The following VPS13B variants were observed in gnomAD, a reference collection of about 807,000 sequenced individuals.
The protein encoded by VPS13B is vacuolar protein sorting 13 homolog B.
A neutral mutation model predicts 426.4 loss-of-function variants in VPS13B; 285 were observed. The ratio of observed to expected loss-of-function variants is 0.67; its 90% CI spans 0.61 to 0.74. The LOEUF is 0.74. Ranked by LOEUF, VPS13B falls within the 30% of genes least tolerant of loss-of-function variation. The pLI is 0.00. For missense variants in VPS13B, 4,537 were observed against 4,782.6 expected (o/e 0.95, Z 1.51); for synonymous variants, 1,676 against 1,676.4 (o/e 1.00, Z 0.01).
chr8:99,509,453 T>C (rs962506671), intron 28 of VPS13B, among the ~76,000 whole-genome samples: 2 of 152,136 alleles, frequency 1.3e-5, no homozygotes, highest in Non-Finnish European at 1.5e-5. Flanking sequence ...ATTTATTTTC[T>C]TATCTTCCTT....
In VPS13B at chr8:99,168,716, T is replaced by C. The variant is rs182136281; in HGVS notation, c.2209-1323T>C. 1.7e-3 allele frequency among the ~76,000 whole-genome samples: 263 copies of C among 152,178 alleles called. 2 individuals carry two copies. Among genetic ancestry groups the C allele is most frequent in the African/African-American group, 6.1e-3 (253 of 41,564 alleles). ...TTTAAGTTATGATTTTAAGTAATCA[T>C]TTCAGTATTAGAAAGATATCTTTTT... is the stretch of plus-strand genomic sequence containing the variant. On this transcript the variant is annotated intron_variant, in intron 15 of 61. Coordinates refer to ENST00000357162, the MANE Select transcript of VPS13B (RefSeq NM_152564.5).
intron 29 of VPS13B, among the ~76,000 whole-genome samples, chr8:99,516,817 A>T (rs961127077): frequency 6.7e-6 from 1 of 150,274 alleles, no homozygotes; most frequent in Non-Finnish European, 1.5e-5. Context: ...AAAAAAAAAA[A>T]AGTATATGTA....
At chr8:99,658,457 C>T (rs1830100077) in intron 34 of VPS13B, among the ~76,000 whole-genome samples, 1 of 152,080 alleles carries the variant, frequency 6.6e-6, no homozygotes, top group Non-Finnish European at 1.5e-5. Context: ...CCCCTGTTAA[C>T]AATATAAAAT....
intron 17 of VPS13B, among the ~76,000 whole-genome samples, chr8:99,201,029 C>T (rs1814286878): frequency 6.6e-6 from 1 of 151,818 alleles, no homozygotes; most frequent in Non-Finnish European, 1.5e-5. Flanking sequence ...CAGAATCCTT[C>T]TTGGTCTTAT....
chr8:99,025,340 A>G (rs766353284), intron 2 of VPS13B, among the ~76,000 whole-genome samples: 2 of 152,188 alleles, frequency 1.3e-5, no homozygotes, highest in African/African-American at 4.8e-5. Context: ...AAGGGTGGTG[A>G]AAATGGGCAT....
chr8:99,865,434 C>G (rs1344606248), intron 58 of VPS13B, among the ~76,000 whole-genome samples: 1 of 152,248 alleles, frequency 6.6e-6, no homozygotes, highest in Non-Finnish European at 1.5e-5. Context: ...ACCACCTCCT[C>G]TCTCTTCATG....
intron 19 of VPS13B, among the ~76,000 whole-genome samples, chr8:99,345,557 G>A (rs1811491900): frequency 6.6e-6 from 1 of 151,862 alleles, no homozygotes. Context: ...ACCATTGTTT[G>A]TAAGCCATAT....
At chr8:99,400,766 G>A (rs1166244444) in intron 21 of VPS13B, among the ~76,000 whole-genome samples, 1 of 152,148 alleles carries the variant, frequency 6.6e-6, no homozygotes, top group African/African-American at 2.4e-5. Flanking sequence ...CACATCCCGA[G>A]TTCAAGCAAT....
intron 23 of VPS13B, among the ~76,000 whole-genome samples, chr8:99,445,952 C>T (rs1817896422): frequency 6.6e-6 from 1 of 152,198 alleles, no homozygotes; most frequent in Non-Finnish European, 1.5e-5. Context: ...TCTGTTTTCA[C>T]TACCCAACCA....
intron 19 of VPS13B, among the ~76,000 whole-genome samples, chr8:99,307,183 T>G (rs1820685933): frequency 1.3e-5 from 2 of 152,142 alleles, no homozygotes; most frequent in African/African-American, 4.8e-5. Flanking sequence ...GGGTTCTATA[T>G]ATGTATTCTA....
intron 34 of VPS13B, among the ~76,000 whole-genome samples, chr8:99,661,153 G>A (rs1468230440): frequency 6.6e-6 from 1 of 151,990 alleles, no homozygotes; most frequent in African/African-American, 2.4e-5. Flanking sequence ...ACATGGTTTT[G>A]TCATCCCACA....
chr8:99,687,492 C>T (rs1017568915), intron 35 of VPS13B, among the ~76,000 whole-genome samples: 1 of 151,968 alleles, frequency 6.6e-6, no homozygotes, highest in East Asian at 1.9e-4. Context: ...AGTGGCAAGG[C>T]TTGCCAGAAC....
At chr8:99,190,882 C>T (rs1241538051) in intron 16 of VPS13B, among the ~76,000 whole-genome samples, 2 of 151,940 alleles carry the variant, frequency 1.3e-5, no homozygotes, top group African/African-American at 2.4e-5. Flanking sequence ...CCATTCTCTT[C>T]ACATTTCTTT....
At chr8:99,595,813 A>G (rs1174473880) in intron 33 of VPS13B, among the ~76,000 whole-genome samples, 8 of 152,100 alleles carry the variant, frequency 5.3e-5, no homozygotes, top group African/African-American at 1.9e-4. Context: ...ACTCAGGAAT[A>G]AAAATGCAAA....
At chr8:99,768,978 C>T (rs1200859203) in intron 40 of VPS13B, among the ~76,000 whole-genome samples, 1 of 152,124 alleles carries the variant, frequency 6.6e-6, no homozygotes, top group Non-Finnish European at 1.5e-5. Context: ...AATACATTTT[C>T]ACCATCGAAA....
chr8:99,648,469 TAG>T (rs1400361141), intron 34 of VPS13B, among the ~76,000 whole-genome samples: 5 of 152,252 alleles, frequency 3.3e-5, no homozygotes, highest in African/African-American at 1.2e-4. Flanking sequence ...TATTCAGCTT[TAG>T]CTGTGATTCA....
intron 42 of VPS13B, among the ~76,000 whole-genome samples, chr8:99,779,520 TCTGA>T (rs1811907959): frequency 4.6e-5 from 7 of 152,342 alleles, no homozygotes; most frequent in Admixed American, 4.6e-4. Context: ...CTCTACTCTT[TCTGA>T]CTTTTTGATT....
chr8:99,515,157 G>T (rs935037800), intron 29 of VPS13B, among the ~76,000 whole-genome samples: 62 of 152,172 alleles, frequency 4.1e-4, no homozygotes, highest in African/African-American at 1.2e-3. Flanking sequence ...TAAGAAAGAA[G>T]AGGAAAAAAA....
At chr8:99,717,467 G>T (rs1287026130) in intron 37 of VPS13B, 94 bp downstream of exon 37, 1 of 1,141,620 alleles carries the variant, frequency 8.8e-7, no homozygotes, top group Non-Finnish European at 1.3e-6. Context: ...TCTTTGTGTG[G>T]TAAGAAAGGG....
Sources: gnomAD v4.1 joint callset for allele counts (sites outside exome capture counted in the v4.1 genomes callset) on GRCh38, gnomAD v4.1.1 for gene constraint, MANE v1.5 for transcripts, NCBI Gene and HGNC (gene_info 2026-07-23, HGNC 2026-07-21) for gene names.